INPP5F: variants seen among roughly 807,000 people sequenced by gnomAD.
INPP5F encodes the protein inositol polyphosphate-5-phosphatase F.
Under a neutral mutation model 137.2 loss-of-function variants are expected in INPP5F, and 97 were observed. That is an observed-to-expected ratio of 0.71 (90% CI 0.60 to 0.84). The LOEUF (loss-of-function observed/expected upper bound fraction) is 0.84, where lower values mean the gene tolerates loss of function less well. Ranked by LOEUF, INPP5F falls within the 40% of genes least tolerant of loss-of-function variation. INPP5F has a pLI of 0.00. For synonymous variants in INPP5F, 504 were observed against 476.9 expected (o/e 1.06, Z -0.74); for missense variants, 1,271 against 1,371.9 (o/e 0.93, Z 1.16).
At chr10:119,765,122 T>TG (rs2134148856) in intron 2 of INPP5F, among the ~76,000 whole-genome samples, 1 of 151,650 alleles carries the variant, frequency 6.6e-6, no homozygotes, top group South Asian at 2.1e-4. Context: ...TTCGTAGAGA[T>TG]GGGGTTTCAC....
chr10:119,774,455 G>A lies in INPP5F; in HGVS notation c.179-7180G>A, dbSNP rs535993978. On this transcript the variant is annotated intron_variant, in intron 2 of 19. Coordinates refer to ENST00000650623, the MANE Select transcript of INPP5F (RefSeq NM_014937.4). Reference sequence around the variant, plus strand: ...AAAGTTCTGTGGTGCTTTTCATGTAGATATTAGACCTTTCTTTTATTCATT... The same window carrying A: ...AAAGTTCTGTGGTGCTTTTCATGTAAATATTAGACCTTTCTTTTATTCATT... 7.3e-5 allele frequency among the ~76,000 whole-genome samples: 11 copies of A among 151,674 alleles called. No individual in the cohort carries two copies. In the East Asian group the frequency reaches 2.1e-3, roughly 29 times the overall value.
intron 1 of INPP5F, among the ~76,000 whole-genome samples, chr10:119,742,731 G>A (rs1183763205): frequency 2.0e-5 from 3 of 152,004 alleles, no homozygotes; most frequent in East Asian, 1.9e-4. Flanking sequence ...GGTAGCTCAC[G>A]CCTGTAATCC....
At chr10:119,781,939 A>G (rs1030363566) in intron 3 of INPP5F, among the ~76,000 whole-genome samples, 168 bp downstream of exon 3, 1 of 152,190 alleles carries the variant, frequency 6.6e-6, no homozygotes, top group African/African-American at 2.4e-5. Flanking sequence ...TTGTCTCAAA[A>G]TCCATGAAAT....
intron 2 of INPP5F, among the ~76,000 whole-genome samples, chr10:119,773,066 A>G (rs1257188079): frequency 6.7e-6 from 1 of 149,024 alleles, no homozygotes; most frequent in East Asian, 2.0e-4. Context: ...AAAAATTATT[A>G]TCTTTTTTGA....
In INPP5F at chr10:119,827,868, C is replaced by T; in HGVS notation, c.*88C>T. Reference sequence around the variant, plus strand: ...GGTATTTTAATTGTACTGTCTGAACCCAGGGATCACAAATTCTGTTCATTG... The same window carrying T: ...GGTATTTTAATTGTACTGTCTGAACTCAGGGATCACAAATTCTGTTCATTG... On this transcript the variant is annotated 3_prime_UTR_variant, in exon 20 of 20. Coordinates refer to ENST00000650623, the MANE Select transcript of INPP5F (RefSeq NM_014937.4). The T allele has an allele frequency of 1.0e-6, 1 of 981,882 alleles. No individual in the cohort carries two copies. Among genetic ancestry groups the T allele is most frequent in the South Asian group, 1.6e-5 (1 of 61,786 alleles). The allele number at this position is 981,882 out of a possible 1,614,324, so 60.8% of individuals were successfully genotyped here.
chr10:119,776,502 G>A (rs1167733088), intron 2 of INPP5F, among the ~76,000 whole-genome samples: 1 of 152,058 alleles, frequency 6.6e-6, no homozygotes, highest in Admixed American at 6.6e-5. Context: ...TATATTTTTG[G>A]TACTATACCT....
chr10:119,781,657 A>G lies in INPP5F; in HGVS notation c.201A>G (p.Leu67=), dbSNP rs746597649. Residue 67 remains leucine, a synonymous_variant, in exon 3 of 20, where the codon CTA becomes CTG. Coordinates refer to ENST00000650623, the MANE Select transcript of INPP5F (RefSeq NM_014937.4). ...LHSDLPWWLI[L]IRQKALVGKL... The stretch of plus-strand genomic sequence containing the variant: ...CAGATCTTCCATGGTGGCTTATTCT[A>G]ATTCGGCAGAAAGCATTGGTGGGCA... 3 of 1,611,342 alleles carry G rather than the reference A, an allele frequency of 1.9e-6. No homozygotes were observed. The highest frequency in any genetic ancestry group is 2.5e-6 in the Non-Finnish European group (3 of 1,178,284).
intron 19 of INPP5F, among the ~76,000 whole-genome samples, chr10:119,824,475 G>A (rs1589760578): frequency 6.6e-6 from 1 of 152,160 alleles, no homozygotes; most frequent in East Asian, 1.9e-4. Flanking sequence ...GGTCAGGAAG[G>A]ACACCACAGA....
Position 119,785,286 on chromosome 10 carries a change from G to GTTTTTTTTTTTTT in INPP5F, c.315+3519_315+3531dup, listed in dbSNP as rs71019717. Among the ~76,000 whole-genome samples the GTTTTTTTTTTTTT allele has an allele frequency of 2.5e-3, 270 of 106,202 alleles. 18 individuals carry two copies. Among genetic ancestry groups the GTTTTTTTTTTTTT allele is most frequent in the African/African-American group, 7.4e-3 (198 of 26,778 alleles). 69.7% of individuals were successfully genotyped at this position (106,202 alleles called of 152,430 possible). A position where few individuals can be genotyped will look rare whatever the true frequency, so the allele number is the denominator to read the frequency against. On this transcript the variant is annotated intron_variant, in intron 3 of 19. Coordinates refer to ENST00000650623, the MANE Select transcript of INPP5F (RefSeq NM_014937.4). ...TAACCTTTTGTGGAACTGCCAGACT[G>GTTTTTTTTTTTTT]TTTTTTTTTTTTTTTTGGAGACGGA...
In INPP5F at chr10:119,803,965, A is replaced by G. The variant is rs545015722; in HGVS notation, c.1117-208A>G. Among the ~76,000 whole-genome samples, 4 of 152,350 alleles carry G rather than the reference A, an allele frequency of 2.6e-5. No homozygotes were observed. In the East Asian group the frequency reaches 5.8e-4, roughly 22 times the overall value. ...AATGTCATTGATGTCAATTCTCACA[A>G]ACTTAAATGTATGTAACAAATGAAA... On this transcript the variant is annotated intron_variant, in intron 9 of 19. Transcript: ENST00000650623.
chr10:119,791,410 A>T (rs984362359), intron 3 of INPP5F, 107 bp from the exon 4 acceptor site: 5 of 833,832 alleles, frequency 6.0e-6, no homozygotes, highest in Non-Finnish European at 1.9e-6. Context: ...CTAACTCTTG[A>T]AGTTTACTGT....
intron 3 of INPP5F, among the ~76,000 whole-genome samples, chr10:119,788,324 G>C (rs1849998064): frequency 6.6e-6 from 1 of 152,098 alleles, no homozygotes; most frequent in African/African-American, 2.4e-5. Flanking sequence ...TAGGAAAGAA[G>C]GTGACATTTT....
At chr10:119,749,864 C>T (rs196192) in intron 1 of INPP5F, among the ~76,000 whole-genome samples, 60,560 of 152,046 alleles carry the variant, frequency 0.4, 12,102 homozygotes, top group South Asian at 0.47. Context: ...CTGCAACCTT[C>T]ACCTCCTAGG....
At position 119,808,014 on chromosome 10, in the gene INPP5F, A is replaced by G. The variant is rs766274034; in HGVS notation, c.1523A>G (p.Asn508Ser). Residue 508 changes from asparagine to serine, a missense_variant, in exon 13 of 20, where the codon AAT becomes AGT. Coordinates refer to ENST00000650623, the MANE Select transcript of INPP5F (RefSeq NM_014937.4). ...ATCTACCAGATAATGTGGGCCAATA[A>G]TGGTGACTCCATTAGCAGACAGTAT... ...NRIYQIMWANNGDSISRQYAG... is the reference protein window; with the variant it reads ...NRIYQIMWANSGDSISRQYAG... 2.5e-6 allele frequency: 4 copies of G among 1,614,068 alleles called. No homozygotes were observed. Among genetic ancestry groups the G allele is most frequent in the Non-Finnish European group, 2.5e-6 (3 of 1,180,006 alleles).
intron 6 of INPP5F, among the ~76,000 whole-genome samples, chr10:119,793,191 C>T (rs1011533202): frequency 6.6e-6 from 1 of 152,164 alleles, no homozygotes; most frequent in African/African-American, 2.4e-5. Flanking sequence ...TTTTACATTA[C>T]CATTTAAAAC....
At chr10:119,747,616 G>T (rs1044681217) in intron 1 of INPP5F, among the ~76,000 whole-genome samples, 4 of 152,116 alleles carry the variant, frequency 2.6e-5, no homozygotes, top group African/African-American at 7.2e-5. Flanking sequence ...AAACAATTTG[G>T]TATTATTTGA....
At chr10:119,818,229 T>C (rs1197255468) in intron 15 of INPP5F, among the ~76,000 whole-genome samples, 1 of 152,218 alleles carries the variant, frequency 6.6e-6, no homozygotes, top group Non-Finnish European at 1.5e-5. Context: ...CCCCCGACTC[T>C]ATCGACAGCG....
intron 3 of INPP5F, among the ~76,000 whole-genome samples, chr10:119,790,985 G>C (rs1850121135): frequency 6.6e-6 from 1 of 152,190 alleles, no homozygotes; most frequent in South Asian, 2.1e-4. Flanking sequence ...ATGTTATTAA[G>C]CTGATTTCAT....
chr10:119,815,663 G>A, intron 15 of INPP5F: 1 of 300,186 alleles, frequency 3.3e-6, no homozygotes, highest in South Asian at 3.9e-5. Context: ...GGGCAGGGGA[G>A]CTCCATCACT....
Sources: gnomAD v4.1 joint callset for allele counts (sites outside exome capture counted in the v4.1 genomes callset) on GRCh38, gnomAD v4.1.1 for gene constraint, MANE v1.5 for transcripts, NCBI Gene and HGNC (gene_info 2026-07-23, HGNC 2026-07-21) for gene names.